Variants in PRH1 observed in about 807,000 individuals in gnomAD.
The protein encoded by PRH1 is proline rich protein HaeIII subfamily 1.
A neutral mutation model predicts 7.9 loss-of-function variants in PRH1; 7 were observed. The observed-to-expected ratio is 0.89, with a 90% CI of 0.50 to 1.67. The LOEUF is 1.67. PRH1 is among the 40% of genes most tolerant of loss of function. The pLI is 0.00. For synonymous variants in PRH1, 45 were observed against 80.8 expected, an observed-to-expected ratio of 0.56 and a Z score of 2.38; for missense variants, 109 against 223.6, an observed-to-expected ratio of 0.49 and a Z score of 3.27.
intron 1 of PRH1, chr12:10,986,487 A>G (rs1939635809): frequency 1.2e-6 from 2 of 1,613,842 alleles, no homozygotes; most frequent in South Asian, 2.2e-5. Context: ...GACACTCCTA[A>G]CTCTCCTCTT....
intron 1 of PRH1, among the ~76,000 whole-genome samples, chr12:11,160,278 A>G (rs6488356): frequency 0.45 from 68,989 of 151,846 alleles, 16,440 homozygotes; most frequent in Non-Finnish European, 0.52. Context: ...ATTATTCATA[A>G]TTCAAGAATT....
At position 11,091,311 on chromosome 12, in the gene PRH1, A is replaced by C. The variant is rs778301919; in HGVS notation, n.124-44123T>G. ...CCCCTCTCGTGAATCTATGGAGATG[A>C]AGTCTTCTCTCCTTTCACCCAGTAC... On this transcript the variant is annotated intron_variant and non_coding_transcript_variant, in intron 1 of 4. Coordinates refer to the PRH1 transcript ENST00000541977. The C allele has an allele frequency of 1.9e-5, 23 of 1,215,926 alleles. 5 individuals carry two copies. The highest frequency in any genetic ancestry group is 1.8e-4 in the Middle Eastern group (1 of 5,432). The allele number at this position is 1,215,926 out of a possible 1,614,324, so 75.3% of individuals were successfully genotyped here. A position where few individuals can be genotyped will look rare whatever the true frequency, so the allele number is the denominator to read the frequency against.
rs142340458 is a variant in PRH1, at chr12:10,977,329, C to T, written c.-125-3608G>A. 1.7e-3 allele frequency among the ~76,000 whole-genome samples: 260 copies of T among 152,238 alleles called. 2 individuals carry two copies. Among genetic ancestry groups the T allele is most frequent in the African/African-American group, 5.8e-3 (241 of 41,536 alleles). On this transcript the variant is annotated intron_variant, in intron 1 of 3. Coordinates refer to the PRH1 transcript ENST00000539853. ...ATTAACGAAAATCGCATTATCATCT[C>T]GATAGATGCAGAAAAGGCTTTCAAT...
At chr12:11,163,365 A>G (rs1371041110) in intron 1 of PRH1, among the ~76,000 whole-genome samples, 1 of 80,456 alleles carries the variant, frequency 1.2e-5, no homozygotes, top group Admixed American at 1.7e-4. Context: ...CCTGAAAAAT[A>G]AAAATAAAAA....
chr12:10,882,161 A>G, intron 3 of PRH1, 56 bp downstream of exon 3: 2 of 1,601,966 alleles, frequency 1.2e-6, no homozygotes, highest in South Asian at 1.1e-5. Flanking sequence ...TGGCACAATG[A>G]AGTTGGAGAA....
intron 2 of PRH1, among the ~76,000 whole-genome samples, chr12:10,897,505 G>A (rs1472004608): frequency 6.6e-6 from 1 of 152,178 alleles, no homozygotes; most frequent in African/African-American, 2.4e-5. Flanking sequence ...ATCTTTAAGT[G>A]AATTAGTCTA....
chr12:10,942,550 C>T (rs1950419232), intron 2 of PRH1, among the ~76,000 whole-genome samples: 1 of 152,184 alleles, frequency 6.6e-6, no homozygotes, highest in African/African-American at 2.4e-5. Flanking sequence ...GCTGGTCTCA[C>T]TCCCACCATG....
chr12:11,018,699 G>A (rs1346756327), intron 1 of PRH1, among the ~76,000 whole-genome samples: 2 of 149,356 alleles, frequency 1.3e-5, no homozygotes, highest in African/African-American at 4.9e-5. Context: ...TTATAAAGTA[G>A]GGAAGGAAAT....
chr12:10,953,933 C>A (rs566873915), intron 2 of PRH1, among the ~76,000 whole-genome samples: 1 of 152,094 alleles, frequency 6.6e-6, no homozygotes, highest in African/African-American at 2.4e-5. Context: ...AACTCTACAA[C>A]CAGGAAGAGA....
At chr12:11,024,074 T>C (rs559108439) in intron 1 of PRH1, among the ~76,000 whole-genome samples, 1 of 152,364 alleles carries the variant, frequency 6.6e-6, no homozygotes, top group South Asian at 2.1e-4. Flanking sequence ...GCAGGTAACA[T>C]CATGTCAAGT....
intron 2 of PRH1, among the ~76,000 whole-genome samples, chr12:10,953,574 A>G (rs762814063): frequency 1.3e-5 from 2 of 152,132 alleles, no homozygotes; most frequent in Non-Finnish European, 2.9e-5. Context: ...AAAATAATGA[A>G]GAAGAATGCA....
chr12:10,887,541 A>G (rs1364384733), upstream of PRH1, among the ~76,000 whole-genome samples: 1 of 104,680 alleles, frequency 9.6e-6, no homozygotes, highest in South Asian at 3.2e-4. Context: ...TTTTTTTTTG[A>G]GATGGTGTCT....
intron 2 of PRH1, among the ~76,000 whole-genome samples, chr12:10,966,477 G>A (rs1938504206): frequency 6.6e-6 from 1 of 152,128 alleles, no homozygotes; most frequent in African/African-American, 2.4e-5. Flanking sequence ...CTACTACTCT[G>A]TTCCCAGAAG....
chr12:11,113,211 T>C (rs576589619), intron 1 of PRH1, among the ~76,000 whole-genome samples: 11 of 152,262 alleles, frequency 7.2e-5, no homozygotes, highest in African/African-American at 2.6e-4. Flanking sequence ...TGGAAAACAC[T>C]ACTTAGAAAT....
chr12:11,062,285 A>G (rs1565610431), intron 1 of PRH1: 3 of 1,611,492 alleles, frequency 1.9e-6, no homozygotes, highest in East Asian at 2.2e-5. Flanking sequence ...ATGGGCAGAA[A>G]AGTTATCATG....
At chr12:11,093,454 A>G (rs2136268147) in intron 1 of PRH1, among the ~76,000 whole-genome samples, 1 of 116,550 alleles carries the variant, frequency 8.6e-6, no homozygotes, top group South Asian at 2.3e-4. Flanking sequence ...TCCAAAATAA[A>G]AAATGAGTTT....
intron 1 of PRH1, among the ~76,000 whole-genome samples, chr12:11,018,715 G>T (rs1941424348): frequency 6.6e-6 from 1 of 152,094 alleles, no homozygotes; most frequent in Admixed American, 6.5e-5. Flanking sequence ...GAAATGAGCA[G>T]GACAGCAGTT....
intron 1 of PRH1, among the ~76,000 whole-genome samples, chr12:11,002,922 A>G (rs1940660953): frequency 6.6e-6 from 1 of 152,060 alleles, no homozygotes; most frequent in Admixed American, 6.6e-5. Context: ...AAATTGTCCT[A>G]TACACTTAAT....
intron 1 of PRH1, among the ~76,000 whole-genome samples, chr12:11,135,025 C>A (rs557921488): frequency 1.3e-5 from 2 of 152,114 alleles, no homozygotes; most frequent in Admixed American, 1.3e-4. Context: ...CCTATTTTCC[C>A]ACTCAAGGTT....
Sources: allele counts gnomAD v4.1 joint callset (sites outside exome capture counted in the v4.1 genomes callset), GRCh38; gene constraint gnomAD v4.1.1; transcripts MANE v1.5; gene names NCBI Gene and HGNC (gene_info 2026-07-23, HGNC 2026-07-21).